The following ZNF182 variants were observed in gnomAD, a reference collection of about 807,000 sequenced individuals.
ZNF182 encodes the protein zinc finger protein 182.
A neutral mutation model predicts 28.1 loss-of-function variants in ZNF182; 10 were observed. That is an observed-to-expected ratio of 0.36 (90% CI 0.22 to 0.60). ZNF182 has a LOEUF of 0.60. Ranked by LOEUF, ZNF182 falls within the 20% of genes least tolerant of loss-of-function variation. The pLI is 0.75. For missense variants in ZNF182, 352 were observed against 453.2 expected, an observed-to-expected ratio of 0.78 and a Z score of 2.03; for synonymous variants, 156 against 158.7, an observed-to-expected ratio of 0.98 and a Z score of 0.13.
intron 3 of ZNF182, among the ~76,000 whole-genome samples, chrX:47,995,378 T>C (rs1189606183): frequency 9.0e-6 from 1 of 111,602 alleles, no homozygotes; most frequent in Non-Finnish European, 1.9e-5. Context: ...CTGAAAAAGA[T>C]AATAACTGAA....
Position 47,983,323 on chromosome X carries a change from T to C in ZNF182, c.104A>G (p.Asp35Gly). 1.7e-6 allele frequency: 2 copies of C among 1,211,438 alleles called. No homozygotes were observed. The highest frequency in any genetic ancestry group is 5.9e-5 in the East Asian group (2 of 33,827). ...GTTGCTGTAGGTCTCCAGCATCACG[T>C]CTCTGTACAGGGTCCTCTGTGGTGG... ...LNPPQRTLYR[D>G]VMLETYSNLV... is the part of the protein sequence containing the mutation. Residue 35 changes from aspartate (D) to glycine (G), a missense_variant, in exon 4 of 6, where the codon GAC becomes GGC. Transcript: ENST00000376943.
chrX:47,999,602 A>C (rs2058971722), intron 3 of ZNF182, among the ~76,000 whole-genome samples: 1 of 111,316 alleles, frequency 9.0e-6, no homozygotes, highest in Non-Finnish European at 1.9e-5. Flanking sequence ...ACAGATACAG[A>C]AGTACAGCTG....
intron 3 of ZNF182, among the ~76,000 whole-genome samples, chrX:47,992,026 C>T (rs1198063355): frequency 2.7e-5 from 3 of 111,757 alleles, no homozygotes; most frequent in African/African-American, 9.8e-5. Flanking sequence ...TCCCTCTCCA[C>T]TTCAAGACAC....
chrX:47,983,349 G>A lies in ZNF182; in HGVS notation c.78C>T (p.Asn26=). The change falls in exon 4 of 6, where the codon AAC becomes AAT. Residue 26 remains asparagine (N), a synonymous_variant. Coordinates refer to ENST00000376943, the MANE Select transcript of ZNF182 (RefSeq NM_001007088.2). The part of the protein sequence containing the change: ...DFTQEEWQYL[N]PPQRTLYRDV... Reference sequence around the variant, plus strand: ...CTCTGTACAGGGTCCTCTGTGGTGGGTTCAGGTACTGCCACTCCTCCTGGG... The same window carrying A: ...CTCTGTACAGGGTCCTCTGTGGTGGATTCAGGTACTGCCACTCCTCCTGGG... The A allele has an allele frequency of 8.3e-7, 1 of 1,210,734 alleles. No individual in the cohort carries two copies. The highest frequency in any genetic ancestry group is 3.0e-5 in the East Asian group (1 of 33,817).
At chrX:47,982,621 C>T (rs1344922737) in intron 5 of ZNF182, among the ~76,000 whole-genome samples, 2 of 111,605 alleles carry the variant, frequency 1.8e-5, no homozygotes, top group Non-Finnish European at 3.8e-5. Flanking sequence ...TAACGTGGGC[C>T]TGGCTTTATA....
chrX:48,001,176 T>C (rs1002684782), intron 3 of ZNF182, among the ~76,000 whole-genome samples: 2 of 112,431 alleles, frequency 1.8e-5, no homozygotes, highest in African/African-American at 6.5e-5. Flanking sequence ...TATGACCTAG[T>C]AATCCAATAT....
chrX:47,975,251 C>T lies in ZNF182; in HGVS notation c.*916G>A, dbSNP rs1340768019. 4 of 111,674 alleles carry T rather than the reference C, an allele frequency of 3.6e-5. No individual in the cohort carries two copies. Among genetic ancestry groups the T allele is most frequent in the Non-Finnish European group, 5.6e-5 (3 of 53,101 alleles). The allele number at this position is 111,674 out of a possible 1,213,427, so 9.2% of individuals were successfully genotyped here. A position where few individuals can be genotyped will look rare whatever the true frequency, so the allele number is the denominator to read the frequency against. On this transcript the variant is annotated 3_prime_UTR_variant, in exon 6 of 6. Transcript: ENST00000376943. ...TATACCACAATTTAGGGAACCAGAACCCTGATATGGTGTCATTTAAACAGC... is the reference window on the plus strand; with the variant it reads ...TATACCACAATTTAGGGAACCAGAATCCTGATATGGTGTCATTTAAACAGC...
Position 48,003,551 on chromosome X carries a change from G to C in ZNF182, c.-88C>G, listed in dbSNP as rs2058986713. 9.0e-6 allele frequency: 1 copy of C among 110,823 alleles called. No individual in the cohort carries two copies. The highest frequency in any genetic ancestry group is 9.6e-5 in the Admixed American group (1 of 10,457). 9.1% of individuals were successfully genotyped at this position (110,823 alleles called of 1,213,427 possible). On this transcript the variant is annotated 5_prime_UTR_variant, in exon 2 of 6. Transcript: ENST00000376943. Reference sequence around the variant, plus strand: ...CCCAGAAGCCGGAAAGAGGCCTTCGGGTGCGGGGGTGCAGGTTCACTTCGG... The same window carrying C: ...CCCAGAAGCCGGAAAGAGGCCTTCGCGTGCGGGGGTGCAGGTTCACTTCGG...
At chrX:47,986,828 T>G (rs144576698) in intron 3 of ZNF182, among the ~76,000 whole-genome samples, 1,261 of 112,135 alleles carry the variant, frequency 0.011, 47 homozygotes, top group Admixed American at 0.093. Context: ...GCCTTCATCT[T>G]TCTCCCATAC....
Position 47,977,151 on chromosome X carries a change from G to A in ZNF182, c.879C>T (p.His293=). ...KSTVIIHYRT[H]TGEKPYECNE... is the part of the protein sequence containing the mutation. ...TACATTCATAAGGTTTTTCTCCTGT[G>A]TGAGTCCTGTAATGTATGATGACAG... The change falls in exon 6 of 6, where the codon CAC becomes CAT. Residue 293 remains histidine (H), a synonymous_variant. Transcript: ENST00000376943. The A allele has an allele frequency of 5.8e-6, 7 of 1,208,831 alleles. No individual in the cohort carries two copies. Among genetic ancestry groups the A allele is most frequent in the Non-Finnish European group, 7.8e-6 (7 of 894,531 alleles).
At chrX:47,996,581 A>T (rs1483187848) in intron 3 of ZNF182, among the ~76,000 whole-genome samples, 1 of 112,136 alleles carries the variant, frequency 8.9e-6, no homozygotes, top group Non-Finnish European at 1.9e-5. Context: ...TAAAAGGAAG[A>T]AGTTTTCAAA....
At chrX:47,991,724 C>T (rs139786386) in intron 3 of ZNF182, among the ~76,000 whole-genome samples, 1,824 of 111,273 alleles carry the variant, frequency 0.016, 33 homozygotes, top group African/African-American at 0.058. Flanking sequence ...GTGGAAAGCA[C>T]ACAGGTTAGG....
intron 5 of ZNF182, among the ~76,000 whole-genome samples, chrX:47,978,736 C>A (rs1423934086): frequency 3.6e-5 from 4 of 112,440 alleles, no homozygotes; most frequent in African/African-American, 9.7e-5. Context: ...ATCTAGATAA[C>A]TTTCAAGAGG....
At position 47,983,335 on chromosome X, in the gene ZNF182, G is replaced by T; in HGVS notation, c.92C>A (p.Thr31Asn). 8.3e-7 allele frequency: 1 copy of T among 1,211,018 alleles called. No homozygotes were observed. The highest frequency in any genetic ancestry group is 3.0e-5 in the East Asian group (1 of 33,826). Residue 31 changes from threonine to asparagine, a missense_variant, in exon 4 of 6, where the codon ACC becomes AAC. Transcript: ENST00000376943. Reference sequence around the variant, plus strand: ...CTCCAGCATCACGTCTCTGTACAGGGTCCTCTGTGGTGGGTTCAGGTACTG... The same window carrying T: ...CTCCAGCATCACGTCTCTGTACAGGTTCCTCTGTGGTGGGTTCAGGTACTG... ...EWQYLNPPQR[T>N]LYRDVMLETY... is the part of the protein sequence containing the mutation.
At position 47,977,778 on chromosome X, in the gene ZNF182, T is replaced by C. The variant is rs1556898550; in HGVS notation, c.252A>G (p.Glu84=). ...WNFPEVCQVD[E]QIERQHQDDQ... is the part of the protein sequence containing the mutation. ...CATCCTGATGTTGCCTCTCAATCTG[T>C]TCATCAACTTGACAGACTTCTAGAA... Residue 84 remains glutamate, a synonymous_variant, in exon 6 of 6, where the codon GAA becomes GAG. Transcript: ENST00000376943. 1 of 1,178,613 alleles carries C rather than the reference T, an allele frequency of 8.5e-7. No individual in the cohort carries two copies. The highest frequency in any genetic ancestry group is 1.8e-5 in the African/African-American group (1 of 56,798).
At chrX:47,982,169 G>A (rs2058908124) in intron 5 of ZNF182, among the ~76,000 whole-genome samples, 1 of 112,146 alleles carries the variant, frequency 8.9e-6, no homozygotes, top group African/African-American at 3.2e-5. Flanking sequence ...TACATGGTAC[G>A]ATGCGGATGA....
intron 5 of ZNF182, among the ~76,000 whole-genome samples, chrX:47,981,208 G>C (rs1349295221): frequency 9.0e-6 from 1 of 111,724 alleles, no homozygotes; most frequent in African/African-American, 3.3e-5. Context: ...CCACTAAAAA[G>C]AACCAGAGCC....
chrX:48,003,355 C>CA (rs200575026), intron 2 of ZNF182, among the ~76,000 whole-genome samples, 153 bp downstream of exon 2: 1,144 of 111,382 alleles, frequency 0.01, 9 homozygotes, highest in Non-Finnish European at 0.015. Context: ...TATTAAATGC[C>CA]AAAAAAAACT....
chrX:47,998,720 G>A (rs1556901478), intron 3 of ZNF182, among the ~76,000 whole-genome samples: 2 of 110,948 alleles, frequency 1.8e-5, no homozygotes, highest in Admixed American at 9.5e-5. Context: ...TTAGCTGGGC[G>A]TGGTGGCGGG....
Sources: gnomAD v4.1 joint callset for allele counts (sites outside exome capture counted in the v4.1 genomes callset) on GRCh38, gnomAD v4.1.1 for gene constraint, MANE v1.5 for transcripts, NCBI Gene and HGNC (gene_info 2026-07-23, HGNC 2026-07-21) for gene names.